AOAH: variants seen among roughly 807,000 people sequenced by gnomAD.
AOAH encodes the protein acyloxyacyl hydrolase.
AOAH carries 64 observed loss-of-function variants against 92.2 expected under a neutral mutation model. That is an observed-to-expected ratio of 0.69 (90% CI 0.57 to 0.86). The LOEUF is 0.86. AOAH is among the 40% of genes least tolerant of loss of function. The pLI is 0.00. For missense variants in AOAH, 656 were observed against 694.6 expected, an observed-to-expected ratio of 0.94 and a Z score of 0.62; for synonymous variants, 263 against 254.5, an observed-to-expected ratio of 1.03 and a Z score of -0.32.
At chr7:36,646,136 C>T (rs1794210764) in intron 4 of AOAH, among the ~76,000 whole-genome samples, 1 of 152,210 alleles carries the variant, frequency 6.6e-6, no homozygotes, top group South Asian at 2.1e-4. Context: ...AGAGGTTCTT[C>T]TATGCTTCAA....
At chr7:36,546,233 AAAAAG>A (rs1184578871) in intron 15 of AOAH, among the ~76,000 whole-genome samples, 2 of 152,242 alleles carry the variant, frequency 1.3e-5, no homozygotes, top group East Asian at 3.8e-4. Flanking sequence ...ATTGTCATAG[AAAAAG>A]AAAAGAAAAA....
intron 19 of AOAH, among the ~76,000 whole-genome samples, chr7:36,528,893 G>C (rs900146174): frequency 1.3e-5 from 2 of 152,198 alleles, no homozygotes; most frequent in Non-Finnish European, 2.9e-5. Context: ...TGGGCATAGA[G>C]ATGACCTGTG....
intron 3 of AOAH, chr7:36,661,056 G>A (rs1228826753): frequency 2.6e-5 from 4 of 152,148 alleles, no homozygotes; most frequent in Non-Finnish European, 4.4e-5. Flanking sequence ...TGTATTCTGC[G>A]GAGGGACAGT....
At chr7:36,672,228 T>C (rs945082960) in intron 3 of AOAH, among the ~76,000 whole-genome samples, 1 of 152,180 alleles carries the variant, frequency 6.6e-6, no homozygotes. Context: ...GCCTGTATGA[T>C]TTTAAGTTCC....
chr7:36,613,424 C>T (rs939847000), intron 11 of AOAH, among the ~76,000 whole-genome samples: 9 of 152,200 alleles, frequency 5.9e-5, no homozygotes, highest in African/African-American at 1.2e-4. Flanking sequence ...TGGCCTGGCA[C>T]GTAGTGGGGG....
intron 15 of AOAH, 66 bp downstream of exon 15, chr7:36,548,546 T>G: frequency 1.5e-6 from 2 of 1,344,434 alleles, no homozygotes; most frequent in Non-Finnish European, 2.1e-6. Context: ...GTGGAGTTGG[T>G]GAGGAGAGGG....
intron 13 of AOAH, among the ~76,000 whole-genome samples, chr7:36,560,198 T>C (rs897273687): frequency 6.6e-6 from 1 of 152,236 alleles, no homozygotes; most frequent in African/African-American, 2.4e-5. Context: ...TTGCTTAGGA[T>C]TGCTTTGTCT....
chr7:36,580,407 GTTC>G (rs1313327065), intron 12 of AOAH, among the ~76,000 whole-genome samples: 1 of 152,016 alleles, frequency 6.6e-6, no homozygotes, highest in Non-Finnish European at 1.5e-5. Flanking sequence ...TAATTTTAAT[GTTC>G]TTGTTTTATG....
At chr7:36,675,256 C>CAAAT (rs1265757924) in intron 2 of AOAH, among the ~76,000 whole-genome samples, 3 of 152,188 alleles carry the variant, frequency 2.0e-5, no homozygotes, top group East Asian at 1.9e-4. Context: ...AACTCCGTCT[C>CAAAT]AAATAAATAA....
chr7:36,606,172 A>C (rs186459008), intron 11 of AOAH, among the ~76,000 whole-genome samples: 3 of 152,322 alleles, frequency 2.0e-5, no homozygotes, highest in African/African-American at 7.2e-5. Context: ...TCTGTGCTTA[A>C]GGGAGGCTTT....
intron 3 of AOAH, among the ~76,000 whole-genome samples, chr7:36,663,013 A>G (rs1333889841): frequency 1.3e-5 from 2 of 152,258 alleles, no homozygotes; most frequent in African/African-American, 4.8e-5. Flanking sequence ...ACTCTTGCTC[A>G]GCCTTGGGAC....
chr7:36,519,760 A>G (rs1784016097), intron 20 of AOAH, among the ~76,000 whole-genome samples: 1 of 152,142 alleles, frequency 6.6e-6, no homozygotes, highest in South Asian at 2.1e-4. Flanking sequence ...CCTCTCTCTC[A>G]TCCCACCCCA....
At chr7:36,533,234 A>G (rs1784803800) in intron 16 of AOAH, among the ~76,000 whole-genome samples, 1 of 151,694 alleles carries the variant, frequency 6.6e-6, no homozygotes, top group Non-Finnish European at 1.5e-5. Flanking sequence ...GGTCTCCCCA[A>G]ATCTCGGGGG....
At chr7:36,637,670 T>G (rs1367480972) in intron 5 of AOAH, among the ~76,000 whole-genome samples, 181 bp downstream of exon 5, 1 of 152,036 alleles carries the variant, frequency 6.6e-6, no homozygotes, top group Non-Finnish European at 1.5e-5. Context: ...AACCACACTG[T>G]AGTGAGAAGG....
chr7:36,701,685 T>C (rs1332807042), intron 1 of AOAH, among the ~76,000 whole-genome samples: 2 of 151,940 alleles, frequency 1.3e-5, no homozygotes, highest in African/African-American at 4.8e-5. Flanking sequence ...TATTGTGTGT[T>C]TGAGTCTAAA....
At chr7:36,586,115 T>C (rs902676585) in intron 12 of AOAH, among the ~76,000 whole-genome samples, 1 of 152,082 alleles carries the variant, frequency 6.6e-6, no homozygotes, top group African/African-American at 2.4e-5. Context: ...GGCTTCATTC[T>C]TTCCTTCATT....
intron 1 of AOAH, among the ~76,000 whole-genome samples, chr7:36,712,367 C>A (rs13244859): frequency 0.25 from 38,402 of 152,000 alleles, 5,198 homozygotes; most frequent in African/African-American, 0.36. Flanking sequence ...TTTTTCTTAA[C>A]CTTTTAAAAA....
At chr7:36,537,176 G>C (rs1338185830) in intron 16 of AOAH, among the ~76,000 whole-genome samples, 1 of 151,376 alleles carries the variant, frequency 6.6e-6, no homozygotes, top group Non-Finnish European at 1.5e-5. Flanking sequence ...TTTAGGATGT[G>C]AATAGTTACT....
intron 1 of AOAH, chr7:36,690,128 G>C: frequency 2.2e-6 from 1 of 450,876 alleles, no homozygotes. Flanking sequence ...ATTTCACTCA[G>C]AGAAATCCCA....
Sources: gnomAD v4.1 joint callset for allele counts (sites outside exome capture counted in the v4.1 genomes callset) on GRCh38, gnomAD v4.1.1 for gene constraint, MANE v1.5 for transcripts, NCBI Gene and HGNC (gene_info 2026-07-23, HGNC 2026-07-21) for gene names.